Variants in LAMA4 observed in about 807,000 individuals in gnomAD.
The protein encoded by LAMA4 is laminin subunit alpha 4, also known as laminin subunit alpha-4.
A neutral mutation model predicts 207.1 loss-of-function variants in LAMA4; 127 were observed. The observed-to-expected ratio is 0.61, with a 90% CI of 0.53 to 0.71. The LOEUF is 0.71. Among genes scored for constraint, LAMA4 ranks in the 30% least tolerant of loss-of-function variants. LAMA4 has a pLI of 0.00. For missense variants in LAMA4, 2,093 were observed against 2,246.5 expected (o/e 0.93, Z 1.38); for synonymous variants, 761 against 816.0 (o/e 0.93, Z 1.15).
intron 3 of LAMA4, among the ~76,000 whole-genome samples, chr6:112,212,266 C>T (rs1784392843): frequency 6.6e-6 from 1 of 150,572 alleles, no homozygotes; most frequent in Admixed American, 6.6e-5. Flanking sequence ...CTCTGTTGCC[C>T]AGGCTAGAAT....
chr6:112,162,542 T>A (rs1781118532), intron 13 of LAMA4, among the ~76,000 whole-genome samples: 1 of 151,808 alleles, frequency 6.6e-6, no homozygotes, highest in Non-Finnish European at 1.5e-5. Context: ...ATTTTAGAGA[T>A]AAGGAGAAAG....
intron 32 of LAMA4, among the ~76,000 whole-genome samples, chr6:112,120,756 G>C (rs1778305510): frequency 6.6e-6 from 1 of 152,098 alleles, no homozygotes; most frequent in Admixed American, 6.6e-5. Context: ...TGAAAATATG[G>C]CTGCAGGCTG....
chr6:112,191,902 T>A, intron 5 of LAMA4, 52 bp from the exon 6 acceptor site: 1 of 1,351,956 alleles, frequency 7.4e-7, no homozygotes, highest in Non-Finnish European at 1.1e-6. Flanking sequence ...TTTTTCTTCC[T>A]TTTAATCTTC....
At chr6:112,252,652 A>G (rs1787540599) in intron 2 of LAMA4, among the ~76,000 whole-genome samples, 1 of 152,176 alleles carries the variant, frequency 6.6e-6, no homozygotes, top group East Asian at 1.9e-4. Context: ...TTTTACTCTT[A>G]AGTAAAATTA....
intron 28 of LAMA4, 77 bp downstream of exon 28, chr6:112,132,676 A>G: frequency 1.5e-6 from 2 of 1,355,800 alleles, no homozygotes; most frequent in Non-Finnish European, 1.0e-6. Flanking sequence ...ATCACTTCTA[A>G]CATGCATTAC....
intron 8 of LAMA4, among the ~76,000 whole-genome samples, chr6:112,185,771 T>C (rs1453822181): frequency 1.3e-5 from 2 of 152,172 alleles, no homozygotes; most frequent in African/African-American, 2.4e-5. Context: ...TTAATGCAAG[T>C]CTCTTTATTT....
In LAMA4 at chr6:112,148,406, C is replaced by T. The variant is rs1402636654; in HGVS notation, c.2174-70G>A. 9.3e-6 allele frequency: 14 copies of T among 1,511,348 alleles called. No individual in the cohort carries two copies. In the Admixed American group the frequency reaches 1.4e-4, roughly 15 times the overall value. 93.6% of individuals were successfully genotyped at this position (1,511,348 alleles called of 1,614,324 possible). ...TATTTGTTGGGGAACATTAACACCC[C>T]TTTAACCCTTGAATGAAACAGATCT... On this transcript the variant is annotated intron_variant, in intron 17 of 38. Coordinates refer to ENST00000230538, the MANE Select transcript of LAMA4 (RefSeq NM_001105206.3).
chr6:112,166,441 A>C, intron 12 of LAMA4: 1 of 152,244 alleles, frequency 6.6e-6, no homozygotes, highest in East Asian at 1.9e-4. Context: ...AATACTGTAA[A>C]ATATGTGTAT....
chr6:112,113,081 A>G (rs1777801339), intron 38 of LAMA4, among the ~76,000 whole-genome samples: 1 of 152,204 alleles, frequency 6.6e-6, no homozygotes, highest in South Asian at 2.1e-4. Context: ...GTTAGATAGA[A>G]GGAATAATTT....
rs1554326368 is a variant in LAMA4, at chr6:112,122,186, C to G, written c.4303G>C (p.Asp1435His). Reference protein sequence around the residue: ...SQNKKGGKSKDAPSWDPVALK... With the variant: ...SQNKKGGKSKHAPSWDPVALK... ...GCAACAGGATCCCATGAAGGTGCAT[C>G]TTTACTTTTCCCTCCCTATAAAAGT... The change falls in exon 32 of 39, where the codon GAT becomes CAT. Residue 1435 changes from aspartate (D) to histidine (H), a missense_variant. Physicochemically the swap from Asp to His is moderately conservative, Grantham distance 81. This residue lies in a region of LAMA4 where 1,704 missense variants were observed against 1,788.4 expected (regional missense o/e 0.95). Coordinates refer to ENST00000230538, the MANE Select transcript of LAMA4 (RefSeq NM_001105206.3). 1 of 1,613,674 alleles carries G rather than the reference C, an allele frequency of 6.2e-7. No homozygotes were observed. The highest frequency in any genetic ancestry group is 8.5e-7 in the Non-Finnish European group (1 of 1,179,698).
At chr6:112,217,472 T>A (rs1207399689) in intron 2 of LAMA4, among the ~76,000 whole-genome samples, 5 of 152,146 alleles carry the variant, frequency 3.3e-5, no homozygotes, top group Admixed American at 2.6e-4. Flanking sequence ...TACACCCCCA[T>A]TGACCCATTG....
chr6:112,191,264 G>C (rs184221253), intron 6 of LAMA4, among the ~76,000 whole-genome samples: 1 of 152,070 alleles, frequency 6.6e-6, no homozygotes, highest in Admixed American at 6.5e-5. Context: ...TTACAGGAGT[G>C]AGCCACCATG....
rs781963976 is a variant in LAMA4 at position 112,175,357 on chromosome 6, G to C, written c.1313C>G (p.Thr438Ser). Reference sequence around the variant, plus strand: ...CTCCTCATCCACGAGCTCCCGTTGGGTGAAAAATGGTTGACGGCTTCTAAT... The same window carrying C: ...CTCCTCATCCACGAGCTCCCGTTGGCTGAAAAATGGTTGACGGCTTCTAAT... ...EEIRSRQPFF[T>S]QRELVDEEAD... The change falls in exon 11 of 39, where the codon ACC (threonine) becomes AGC (serine). Residue 438 changes from threonine to serine, a missense_variant. By Grantham distance (58) the Thr-to-Ser change is moderately conservative. Coordinates refer to ENST00000230538, the MANE Select transcript of LAMA4 (RefSeq NM_001105206.3). 1.2e-6 allele frequency: 2 copies of C among 1,614,160 alleles called. No individual in the cohort carries two copies. The highest frequency in any genetic ancestry group is 2.2e-5 in the South Asian group (2 of 91,082).
intron 9 of LAMA4, chr6:112,178,696 A>G (rs1474469507): frequency 5.8e-6 from 1 of 171,350 alleles, no homozygotes; most frequent in African/African-American, 2.4e-5. Context: ...TTCCTAAGTT[A>G]CTTCACTTGA....
At chr6:112,165,712 A>G (rs1781346656) in intron 12 of LAMA4, among the ~76,000 whole-genome samples, 1 of 152,270 alleles carries the variant, frequency 6.6e-6, no homozygotes, top group Non-Finnish European at 1.5e-5. Flanking sequence ...GGACAGGAAC[A>G]GAGAATATAC....
rs964161977 is a variant in LAMA4 at position 112,192,462 on chromosome 6, C to T, written c.504-612G>A. Among the ~76,000 whole-genome samples the T allele has an allele frequency of 2.0e-5, 3 of 152,176 alleles. No homozygotes were observed. In the South Asian group the frequency reaches 6.2e-4, roughly 32 times the overall value. The stretch of plus-strand genomic sequence containing the variant: ...CTCCTGGCAGCAACTTGTAACTGAG[C>T]AAAGCCAGCCTGGAGTCAAAGCAGA... On this transcript the variant is annotated intron_variant, in intron 5 of 38. Coordinates refer to ENST00000230538, the MANE Select transcript of LAMA4 (RefSeq NM_001105206.3).
At chr6:112,142,424 C>G in intron 19 of LAMA4, 132 bp from the exon 20 acceptor site, 1 of 828,202 alleles carries the variant, frequency 1.2e-6, no homozygotes, top group Non-Finnish European at 2.1e-6. Context: ...TTACCACATC[C>G]TCCCCTAGTT....
intron 9 of LAMA4, among the ~76,000 whole-genome samples, chr6:112,184,142 G>A (rs1554345971): frequency 6.6e-6 from 1 of 151,908 alleles, no homozygotes; most frequent in Non-Finnish European, 1.5e-5. Flanking sequence ...CCGGGAACTA[G>A]GGACACAATT....
At chr6:112,135,888 A>G (rs1779308621) in intron 25 of LAMA4, 6 of 451,650 alleles carry the variant, frequency 1.3e-5, no homozygotes, top group South Asian at 1.1e-4. Flanking sequence ...TAAGCAATTA[A>G]AAGGAATCTT....
Sources: gnomAD v4.1 joint callset for allele counts (sites outside exome capture counted in the v4.1 genomes callset) on GRCh38, gnomAD v4.1.1 for gene constraint, gnomAD v4.1.1 regional missense constraint, MANE v1.5 for transcripts, NCBI Gene and HGNC (gene_info 2026-07-23, HGNC 2026-07-21) for gene names.